Variants in COPG2 observed in about 807,000 individuals in gnomAD.
COPG2 encodes the protein coat protein complex I subunit gamma 2.
In COPG2, 37 loss-of-function variants were observed where a neutral mutation model predicts 46.3. The observed-to-expected ratio is 0.80, with a 90% CI of 0.61 to 1.05. COPG2 has a LOEUF of 1.05. Among genes scored for constraint, COPG2 ranks in the 50% least tolerant of loss-of-function variants. The pLI is 0.00. For missense variants in COPG2, 427 were observed against 387.8 expected, an observed-to-expected ratio of 1.10 and a Z score of -0.85; for synonymous variants, 159 against 129.7, an observed-to-expected ratio of 1.23 and a Z score of -1.53.
At chr7:130,556,915 A>C (rs1793635435) in intron 12 of COPG2, among the ~76,000 whole-genome samples, 3 of 152,214 alleles carry the variant, frequency 2.0e-5, no homozygotes, top group South Asian at 4.1e-4. Flanking sequence ...CATATTACTT[A>C]ATATGGAACC....
intron 9 of COPG2, among the ~76,000 whole-genome samples, chr7:130,584,534 C>T (rs1433297188): frequency 5.3e-5 from 8 of 151,950 alleles, no homozygotes; most frequent in African/African-American, 1.2e-4. Flanking sequence ...TGTTTGCTGA[C>T]GATAGGATCA....
chr7:130,549,190 G>A, intron 18 of COPG2, 124 bp downstream of exon 18: 2 of 396,754 alleles, frequency 5.0e-6, no homozygotes, highest in Admixed American at 4.4e-5. Flanking sequence ...TATACCCTAT[G>A]GTGTTCAGCC....
intron 5 of COPG2, 40 bp from the exon 6 acceptor site, chr7:130,617,105 A>C: frequency 7.4e-7 from 1 of 1,358,854 alleles, no homozygotes. Flanking sequence ...ATCAATTAAA[A>C]TCTCTCCCAT....
At chr7:130,600,328 T>C (rs1415999761) in intron 9 of COPG2, among the ~76,000 whole-genome samples, 3 of 152,184 alleles carry the variant, frequency 2.0e-5, no homozygotes, top group African/African-American at 7.2e-5. Context: ...TGGCACAATC[T>C]TGGCTCACCG....
intron 5 of COPG2, among the ~76,000 whole-genome samples, chr7:130,650,945 G>A (rs1439555229): frequency 6.6e-6 from 1 of 152,090 alleles, no homozygotes; most frequent in South Asian, 2.1e-4. Flanking sequence ...CTAGACTTAC[G>A]ATTATATGAG....
chr7:130,576,458 C>T (rs1251468364), intron 9 of COPG2, among the ~76,000 whole-genome samples: 3 of 152,172 alleles, frequency 2.0e-5, no homozygotes, highest in Non-Finnish European at 2.9e-5. Flanking sequence ...ATAACCTGCT[C>T]CTGAGTAAGC....
chr7:130,590,261 C>T (rs890821266), intron 9 of COPG2, among the ~76,000 whole-genome samples: 92 of 152,028 alleles, frequency 6.1e-4, no homozygotes, highest in African/African-American at 1.9e-3. Context: ...CCTCTCCCCA[C>T]GGTCTCCCTC....
At chr7:130,615,892 G>A (rs1379608360) in intron 6 of COPG2, among the ~76,000 whole-genome samples, 1 of 152,206 alleles carries the variant, frequency 6.6e-6, no homozygotes, top group Non-Finnish European at 1.5e-5. Context: ...ACTGTGGTGA[G>A]GAGGAACAAT....
intron 5 of COPG2, among the ~76,000 whole-genome samples, chr7:130,641,620 T>C (rs191712116): frequency 2.8e-4 from 42 of 152,358 alleles, no homozygotes; most frequent in Admixed American, 1.9e-3. Context: ...AAGAAGTTAC[T>C]GGAAATCTTT....
In COPG2 at chr7:130,506,492, A is replaced by G. The variant is rs902906247; in HGVS notation, c.*184T>C. On this transcript the variant is annotated 3_prime_UTR_variant, in exon 24 of 24. Coordinates refer to ENST00000425248, the MANE Select transcript of COPG2 (RefSeq NM_012133.6). Reference sequence around the variant, plus strand: ...GACCAAGTAGAATAAAAAGAAAAAAAAAAAAAAACAACCCATGCGCAAAGA... The same window carrying G: ...GACCAAGTAGAATAAAAAGAAAAAAGAAAAAAAACAACCCATGCGCAAAGA... 2.3e-6 allele frequency: 1 copy of G among 436,606 alleles called. No individual in the cohort carries two copies. Among genetic ancestry groups the G allele is most frequent in the African/African-American group, 2.1e-5 (1 of 48,602 alleles). The allele number at this position is 436,606 out of a possible 1,614,324, so 27.0% of individuals were successfully genotyped here.
intron 9 of COPG2, among the ~76,000 whole-genome samples, chr7:130,585,087 C>A (rs1286894243): frequency 1.3e-5 from 2 of 151,928 alleles, no homozygotes; most frequent in Non-Finnish European, 2.9e-5. Context: ...CCAGAGTCAC[C>A]AAAACAGCAA....
chr7:130,610,845 A>T (rs1044649326), intron 9 of COPG2, 108 bp downstream of exon 9: 45 of 1,038,426 alleles, frequency 4.3e-5, no homozygotes, highest in Non-Finnish European at 6.5e-5. Flanking sequence ...CATTGAACTC[A>T]TCTGTAAAGT....
intron 5 of COPG2, among the ~76,000 whole-genome samples, chr7:130,630,032 C>T (rs1317126134): frequency 6.6e-6 from 1 of 151,826 alleles, no homozygotes; most frequent in African/African-American, 2.4e-5. Context: ...ATTCTCTCGC[C>T]TCAGCCTCCC....
At chr7:130,574,950 A>G (rs1793977233) in intron 9 of COPG2, among the ~76,000 whole-genome samples, 1 of 152,192 alleles carries the variant, frequency 6.6e-6, no homozygotes, top group African/African-American at 2.4e-5. Context: ...AGTAGAAGAA[A>G]GAAATTCAGA....
intron 5 of COPG2, among the ~76,000 whole-genome samples, chr7:130,648,723 C>T (rs369927379): frequency 5.1e-4 from 78 of 152,340 alleles, no homozygotes; most frequent in Non-Finnish European, 9.3e-4. Context: ...GGTCTCTGCA[C>T]GGGCAGAATT....
At chr7:130,508,438 G>A in intron 21 of COPG2, 124 bp downstream of exon 21, 1 of 623,740 alleles carries the variant, frequency 1.6e-6, no homozygotes, top group Non-Finnish European at 2.9e-6. Context: ...TTTGTCATCT[G>A]TTTCAGAAGA....
intron 7 of COPG2, among the ~76,000 whole-genome samples, chr7:130,613,092 T>C (rs532491933): frequency 1.0e-3 from 158 of 152,292 alleles, no homozygotes; most frequent in African/African-American, 3.2e-3. Flanking sequence ...GCACCAGGGA[T>C]TGGTTTTATG....
intron 4 of COPG2, among the ~76,000 whole-genome samples, chr7:130,654,364 T>C (rs1308107575): frequency 1.3e-5 from 2 of 152,172 alleles, no homozygotes; most frequent in African/African-American, 2.4e-5. Flanking sequence ...ATATAGTATC[T>C]AACATCTACC....
intron 20 of COPG2, chr7:130,508,914 T>C (rs1362905716): frequency 5.6e-6 from 3 of 536,902 alleles, no homozygotes; most frequent in Middle Eastern, 5.7e-4. Flanking sequence ...TGTTTCTCTA[T>C]TGGTATGAAG....
Sources: gnomAD v4.1 joint callset for allele counts (sites outside exome capture counted in the v4.1 genomes callset) on GRCh38, gnomAD v4.1.1 for gene constraint, MANE v1.5 for transcripts, NCBI Gene and HGNC (gene_info 2026-07-23, HGNC 2026-07-21) for gene names.